Variants in FHIT observed in about 807,000 individuals in gnomAD.
FHIT encodes the protein fragile histidine triad diadenosine triphosphatase, also known as bis(5'-adenosyl)-triphosphatase.
FHIT carries 19 observed loss-of-function variants against 17.9 expected under a neutral mutation model. The ratio of observed to expected loss-of-function variants is 1.06; its 90% CI spans 0.74 to 1.56. The LOEUF is 1.56. Among genes scored for constraint, FHIT ranks in the 40% most tolerant of loss-of-function variants. FHIT has a pLI of 0.00. For missense variants in FHIT, 248 were observed against 189.2 expected (o/e 1.31, Z -1.82); for synonymous variants, 81 against 69.7 (o/e 1.16, Z -0.81).
chr3:61,182,274 C>T (rs2038365943), intron 2 of FHIT, among the ~76,000 whole-genome samples: 1 of 152,172 alleles, frequency 6.6e-6, no homozygotes, highest in Admixed American at 6.5e-5. Flanking sequence ...GAAATGCCTA[C>T]ATAACCAGAT....
At chr3:61,209,904 C>T (rs900796760) in intron 1 of FHIT, among the ~76,000 whole-genome samples, 1 of 152,176 alleles carries the variant, frequency 6.6e-6, no homozygotes, top group East Asian at 1.9e-4. Context: ...TTTAGAGTTT[C>T]CAGTTTTTCT....
chr3:60,861,215 T>TATATCATATATATGATAC (rs1703835544), intron 3 of FHIT, among the ~76,000 whole-genome samples: 1 of 70,894 alleles, frequency 1.4e-5, no homozygotes, highest in Non-Finnish European at 2.5e-5. Flanking sequence ...ATATATGATA[T>TATATCATATATATGATAC]ATATGATATA....
intron 4 of FHIT, among the ~76,000 whole-genome samples, chr3:60,644,519 T>C (rs1194907389): frequency 6.6e-6 from 1 of 152,210 alleles, no homozygotes; most frequent in African/African-American, 2.4e-5. Flanking sequence ...TGTTTAGAAA[T>C]AAGCATACAA....
intron 8 of FHIT, among the ~76,000 whole-genome samples, chr3:59,900,906 G>A (rs896993784): frequency 4.6e-5 from 7 of 152,278 alleles, no homozygotes; most frequent in Admixed American, 2.0e-4. Flanking sequence ...GAGCCACTGC[G>A]CCCGGCCAGG....
intron 4 of FHIT, among the ~76,000 whole-genome samples, chr3:60,582,127 T>C (rs1396449143): frequency 6.6e-6 from 1 of 152,030 alleles, no homozygotes; most frequent in African/African-American, 2.4e-5. Flanking sequence ...ACTTAAAAAA[T>C]ACTGATGCCT....
chr3:60,575,985 T>C (rs1475066281), intron 4 of FHIT, among the ~76,000 whole-genome samples: 2 of 152,074 alleles, frequency 1.3e-5, no homozygotes, highest in South Asian at 2.1e-4. Context: ...ACACAGTTAC[T>C]ATCGTCTGGC....
At chr3:60,978,539 C>T (rs914416608) in intron 3 of FHIT, among the ~76,000 whole-genome samples, 2 of 152,198 alleles carry the variant, frequency 1.3e-5, no homozygotes, top group Admixed American at 6.5e-5. Context: ...CTGAAAAGCA[C>T]TGGTTCTAGA....
At chr3:59,942,826 A>AT (rs1281730461) in intron 7 of FHIT, among the ~76,000 whole-genome samples, 3 of 151,814 alleles carry the variant, frequency 2.0e-5, no homozygotes, top group African/African-American at 7.3e-5. Context: ...TTTTTAAATT[A>AT]TTTGTACAGA....
chr3:59,812,179 T>C (rs1002698173), intron 8 of FHIT, among the ~76,000 whole-genome samples: 2 of 152,136 alleles, frequency 1.3e-5, no homozygotes, highest in South Asian at 2.1e-4. Context: ...CACACGACAG[T>C]CACTCCTCAA....
At chr3:60,904,435 C>T (rs1706283863) in intron 3 of FHIT, among the ~76,000 whole-genome samples, 1 of 148,826 alleles carries the variant, frequency 6.7e-6, no homozygotes, top group Admixed American at 6.8e-5. Flanking sequence ...TTCTGTACAA[C>T]TAGATGTGGG....
At chr3:60,048,155 G>A (rs1701726847) in intron 5 of FHIT, among the ~76,000 whole-genome samples, 1 of 152,026 alleles carries the variant, frequency 6.6e-6, no homozygotes, top group Non-Finnish European at 1.5e-5. Flanking sequence ...CACCGTAATG[G>A]TTTCATTTTA....
intron 1 of FHIT, among the ~76,000 whole-genome samples, chr3:61,214,459 A>C (rs893678416): frequency 6.6e-6 from 1 of 152,222 alleles, no homozygotes; most frequent in Non-Finnish European, 1.5e-5. Context: ...TAAAGCAGGA[A>C]GAAGTTGGAT....
At chr3:60,564,049 A>G (rs2856005) in intron 4 of FHIT, among the ~76,000 whole-genome samples, 66,740 of 151,930 alleles carry the variant, frequency 0.44, 14,877 homozygotes, top group East Asian at 0.52. Flanking sequence ...CAATGAACAA[A>G]CTGAATCTCT....
At chr3:60,208,513 A>C (rs1703303799) in intron 5 of FHIT, among the ~76,000 whole-genome samples, 1 of 152,224 alleles carries the variant, frequency 6.6e-6, no homozygotes, top group Admixed American at 6.5e-5. Context: ...GGCAAAGGCC[A>C]ATATGGTGAG....
chr3:60,541,476 A>G (rs2036184040), intron 4 of FHIT, among the ~76,000 whole-genome samples: 1 of 152,078 alleles, frequency 6.6e-6, no homozygotes, highest in Admixed American at 6.6e-5. Context: ...ACACCCCACC[A>G]TATTCTACAT....
At chr3:59,961,568 C>G (rs993699375) in intron 7 of FHIT, among the ~76,000 whole-genome samples, 34 of 152,106 alleles carry the variant, frequency 2.2e-4, no homozygotes, top group Non-Finnish European at 1.2e-4. Context: ...ATCTCCTGGT[C>G]TGTGGGTTGT....
intron 8 of FHIT, among the ~76,000 whole-genome samples, chr3:59,798,286 G>A (rs909147154): frequency 1.3e-5 from 2 of 152,128 alleles, no homozygotes; most frequent in Non-Finnish European, 2.9e-5. Flanking sequence ...AATCACTAAC[G>A]GTAGATAGAT....
At position 60,826,995 on chromosome 3, in the gene FHIT, C is replaced by T. The variant is rs373005693; in HGVS notation, c.-110-4984G>A. ...GTTCTAGGACTTGAGATTAGGTTTT[C>T]CCCCCACAAAAAGAAAACTTTGCTT... On this transcript the variant is annotated intron_variant, in intron 3 of 9. Transcript: ENST00000492590. Among the ~76,000 whole-genome samples the T allele has an allele frequency of 3.2e-3, 483 of 151,940 alleles. 1 individual carries two copies. Among genetic ancestry groups the T allele is most frequent in the African/African-American group, 9.1e-3 (378 of 41,422 alleles).
intron 4 of FHIT, among the ~76,000 whole-genome samples, chr3:60,803,379 G>A (rs2106675273): frequency 1.3e-5 from 2 of 152,296 alleles, no homozygotes; most frequent in Admixed American, 6.5e-5. Flanking sequence ...TTCTTCCATC[G>A]TGATTAGAGG....
Sources: gnomAD v4.1 joint callset for allele counts (sites outside exome capture counted in the v4.1 genomes callset) on GRCh38, gnomAD v4.1.1 for gene constraint, MANE v1.5 for transcripts, NCBI Gene and HGNC (gene_info 2026-07-23, HGNC 2026-07-21) for gene names.